The following ERBB4 variants were observed in gnomAD, a reference collection of about 807,000 sequenced individuals.
The protein encoded by ERBB4 is receptor tyrosine-protein kinase erbB-4.
ERBB4 carries 42 observed loss-of-function variants against 158.0 expected under a neutral mutation model. That is an observed-to-expected ratio of 0.27 (90% CI 0.21 to 0.34). The LOEUF (loss-of-function observed/expected upper bound fraction) is 0.34, where lower values mean the gene tolerates loss of function less well. Among genes scored for constraint, ERBB4 ranks in the 10% least tolerant of loss-of-function variants. ERBB4 has a pLI of 1.00. For missense variants in ERBB4, 1,333 were observed against 1,624.1 expected (o/e 0.82, Z 3.08); for synonymous variants, 583 against 558.7 (o/e 1.04, Z -0.61).
intron 1 of ERBB4, among the ~76,000 whole-genome samples, chr2:212,525,897 C>T (rs1031458413): frequency 1.3e-5 from 2 of 151,970 alleles, no homozygotes; most frequent in Non-Finnish European, 2.9e-5. Context: ...TTCTGACTGA[C>T]TCACAAGTAG....
intron 3 of ERBB4, among the ~76,000 whole-genome samples, chr2:211,810,147 T>C (rs1233625958): frequency 6.6e-6 from 1 of 152,244 alleles, no homozygotes; most frequent in Non-Finnish European, 1.5e-5. Flanking sequence ...GATGTGGTGC[T>C]GAGAAGAATG....
intron 3 of ERBB4, among the ~76,000 whole-genome samples, chr2:211,908,917 T>C (rs1293969163): frequency 1.3e-5 from 2 of 151,642 alleles, no homozygotes; most frequent in Non-Finnish European, 2.9e-5. Flanking sequence ...ATAAGCTAGA[T>C]AAGAGTACAT....
chr2:211,952,739 A>G (rs1018826139), intron 2 of ERBB4, among the ~76,000 whole-genome samples: 1 of 152,064 alleles, frequency 6.6e-6, no homozygotes, highest in Non-Finnish European at 1.5e-5. Flanking sequence ...CAATATTTCT[A>G]TTATAAAACC....
chr2:212,383,988 C>A (rs940764497), intron 1 of ERBB4, among the ~76,000 whole-genome samples: 1 of 151,356 alleles, frequency 6.6e-6, no homozygotes, highest in Admixed American at 6.6e-5. Context: ...ATCTTGTGCA[C>A]GAATTTTTAT....
intron 5 of ERBB4, among the ~76,000 whole-genome samples, chr2:211,737,396 C>A (rs2074635620): frequency 2.0e-5 from 3 of 152,120 alleles, no homozygotes; most frequent in Admixed American, 1.3e-4. Context: ...TCTCTAGTCC[C>A]ACTTCTTCTT....
chr2:212,515,224 T>G (rs1691756753), intron 1 of ERBB4, among the ~76,000 whole-genome samples: 1 of 152,142 alleles, frequency 6.6e-6, no homozygotes, highest in South Asian at 2.1e-4. Context: ...AAAAACATTT[T>G]CAATATCAGT....
intron 1 of ERBB4, among the ~76,000 whole-genome samples, chr2:212,126,815 C>A (rs1029749462): frequency 2.6e-5 from 4 of 151,972 alleles, no homozygotes; most frequent in Admixed American, 6.6e-5. Context: ...GGGATGAGTT[C>A]CTGCAGAGGA....
chr2:212,418,710 C>T (rs1364989701), intron 1 of ERBB4, among the ~76,000 whole-genome samples: 1 of 151,730 alleles, frequency 6.6e-6, no homozygotes, highest in Admixed American at 6.6e-5. Context: ...TTGTGCCTCC[C>T]TAGATTGTCA....
At chr2:211,786,906 G>GC (rs2076177854) in intron 4 of ERBB4, among the ~76,000 whole-genome samples, 2 of 152,224 alleles carry the variant, frequency 1.3e-5, no homozygotes, top group South Asian at 4.1e-4. Context: ...TACAAAGTAG[G>GC]CAACATGAAT....
chr2:212,341,009 T>C (rs2088683590), intron 1 of ERBB4, among the ~76,000 whole-genome samples: 1 of 152,128 alleles, frequency 6.6e-6, no homozygotes, highest in African/African-American at 2.4e-5. Flanking sequence ...GAGAAATAAA[T>C]AATCACTGCC....
chr2:211,375,751 TATTAA>T lies in ERBB4; in HGVS notation c.*7859_*7863del, dbSNP rs2062462208. The T allele has an allele frequency of 4.3e-6, 1 of 230,002 alleles. No individual in the cohort carries two copies. The highest frequency in any genetic ancestry group is 2.2e-5 in the African/African-American group (1 of 45,178). The allele number at this position is 230,002 out of a possible 1,614,324, so 14.2% of individuals were successfully genotyped here. A position where few individuals can be genotyped will look rare whatever the true frequency, so the allele number is the denominator to read the frequency against. ...TTCATATTTTATTGAATTTCATTTA[TATTAA>T]ATTAAAAATATATTTCTGACAGATT... On this transcript the variant is annotated 3_prime_UTR_variant, in exon 28 of 28. Coordinates refer to ENST00000342788, the MANE Select transcript of ERBB4 (RefSeq NM_005235.3).
At chr2:212,308,569 A>G (rs2086901753) in intron 1 of ERBB4, among the ~76,000 whole-genome samples, 1 of 151,028 alleles carries the variant, frequency 6.6e-6, no homozygotes, top group African/African-American at 2.4e-5. Flanking sequence ...TTCTGTTTAA[A>G]GTATTAAAGG....
intron 1 of ERBB4, among the ~76,000 whole-genome samples, chr2:212,196,350 T>C (rs2082426239): frequency 6.6e-6 from 1 of 152,128 alleles, no homozygotes; most frequent in East Asian, 1.9e-4. Flanking sequence ...ATTCTCATCT[T>C]TATAATGAGT....
At chr2:211,839,170 G>A (rs1183190849) in intron 3 of ERBB4, among the ~76,000 whole-genome samples, 1 of 89,534 alleles carries the variant, frequency 1.1e-5, no homozygotes, top group African/African-American at 4.0e-5. Context: ...GGAGGAGGAG[G>A]AGGAGGAGGA....
At chr2:212,329,955 C>A (rs561429571) in intron 1 of ERBB4, among the ~76,000 whole-genome samples, 1 of 152,146 alleles carries the variant, frequency 6.6e-6, no homozygotes, top group African/African-American at 2.4e-5. Flanking sequence ...CTAAAAGAGT[C>A]CACTGAAATC....
intron 19 of ERBB4, among the ~76,000 whole-genome samples, chr2:211,571,189 T>C (rs2125745143): frequency 6.6e-6 from 1 of 151,912 alleles, no homozygotes; most frequent in Admixed American, 6.6e-5. Context: ...ACTACACCTC[T>C]TGTCCCTTCA....
At chr2:212,533,541 T>C (rs535566554) in intron 1 of ERBB4, among the ~76,000 whole-genome samples, 61 of 152,276 alleles carry the variant, frequency 4.0e-4, no homozygotes, top group African/African-American at 1.3e-3. Flanking sequence ...AAAGTCTCCC[T>C]CAAATTATGT....
intron 16 of ERBB4, among the ~76,000 whole-genome samples, chr2:211,645,489 T>C (rs1374272818): frequency 6.6e-6 from 1 of 151,758 alleles, no homozygotes; most frequent in African/African-American, 2.4e-5. Flanking sequence ...CATATATCTA[T>C]AGCTGACCAT....
At chr2:211,746,135 G>C (rs1308957342) in intron 5 of ERBB4, among the ~76,000 whole-genome samples, 2 of 152,150 alleles carry the variant, frequency 1.3e-5, no homozygotes, top group East Asian at 3.9e-4. Flanking sequence ...TCTAACATTT[G>C]GCCGGTGTGG....
Sources: gnomAD v4.1 joint callset for allele counts (sites outside exome capture counted in the v4.1 genomes callset) on GRCh38, gnomAD v4.1.1 for gene constraint, MANE v1.5 for transcripts, NCBI Gene and HGNC (gene_info 2026-07-23, HGNC 2026-07-21) for gene names.